The following RNF19A variants were observed in gnomAD, a reference collection of about 807,000 sequenced individuals.
RNF19A encodes the protein ring finger protein 19A, RBR E3 ubiquitin protein ligase.
Under a neutral mutation model 75.7 loss-of-function variants are expected in RNF19A, and 32 were observed. The ratio of observed to expected loss-of-function variants is 0.42; its 90% CI spans 0.32 to 0.57. The LOEUF is 0.57. Among genes scored for constraint, RNF19A ranks in the 20% least tolerant of loss-of-function variants. RNF19A has a pLI of 0.10. For synonymous variants in RNF19A, 335 were observed against 345.2 expected (o/e 0.97, Z 0.33); for missense variants, 782 against 1,036.3 (o/e 0.75, Z 3.37).
rs771976555 is a variant in RNF19A at position 100,270,004 on chromosome 8, A to G, written c.893T>C (p.Ile298Thr). ...SQESGAAADD[I>T]KPCPRCAAYI... ...AGCAGCACATCGTGGACATGGCTTT[A>G]TATCATCAGCTATTGGGAACACAGA... Residue 298 changes from isoleucine (I) to threonine (T), a missense_variant, in exon 4 of 10, where the codon ATA becomes ACA. By Grantham distance (89) the Ile-to-Thr change is moderately conservative. This residue lies in a region of RNF19A where 31 missense variants were observed against 48.8 expected (regional missense o/e 0.64). Transcript: ENST00000341084. 5.0e-6 allele frequency: 8 copies of G among 1,591,446 alleles called. No homozygotes were observed. Among genetic ancestry groups the G allele is most frequent in the Non-Finnish European group, 6.8e-6 (8 of 1,169,972 alleles).
chr8:100,312,845 C>A (rs1175613548), upstream of RNF19A, among the ~76,000 whole-genome samples: 3 of 152,078 alleles, frequency 2.0e-5, no homozygotes, highest in African/African-American at 7.2e-5. Context: ...TCGCTTGAAC[C>A]TGGGAGGCAG....
In RNF19A at chr8:100,276,723, CAAAAAAA is replaced by C. The variant is rs60419107; in HGVS notation, c.675-1569_675-1563del. The stretch of plus-strand genomic sequence containing the variant: ...GTGAGCCAAGATCACACCACTGTAC[CAAAAAAA>C]AAAAAAAAAAAAAGAAAAAAAGGAG... On this transcript the variant is annotated intron_variant, in intron 2 of 9. Transcript: ENST00000341084. Among the ~76,000 whole-genome samples the C allele has an allele frequency of 2.6e-4, 21 of 80,600 alleles. No individual in the cohort carries two copies. The South Asian group carries it at 2.7e-3, about 10-fold the overall frequency. 52.9% of individuals were successfully genotyped at this position (80,600 alleles called of 152,430 possible).
In RNF19A at chr8:100,323,004, A is replaced by G. The variant is rs1822482297; in HGVS notation, c.-242-9632T>C. Among the ~76,000 whole-genome samples the G allele has an allele frequency of 6.6e-6, 1 of 152,214 alleles. No individual in the cohort carries two copies. The highest frequency in any genetic ancestry group is 6.5e-5 in the Admixed American group (1 of 15,278). Reference sequence around the variant, plus strand: ...GAAATATTGTGAGAACTACCAAAATACGACACAGAGGCATGAAATGAGCAC... The same window carrying G: ...GAAATATTGTGAGAACTACCAAAATGCGACACAGAGGCATGAAATGAGCAC... On this transcript the variant is annotated intron_variant, in intron 1 of 3. Coordinates refer to the RNF19A transcript ENST00000519527. This position sits in a 1 kb window ranked among gnomAD's most constrained non-coding sequence, Gnocchi z 4.6.
rs1822591538 is a variant in RNF19A at position 100,330,128 on chromosome 8, CA to C, written c.-243+5979del. ...ATTATTCTCTACCGACGTTTCCATC[CA>C]AACACCATCCCTTCCACTTCTTCCA... On this transcript the variant is annotated intron_variant, in intron 1 of 3. Transcript: ENST00000519527. This position sits in a 1 kb window ranked among gnomAD's most constrained non-coding sequence, Gnocchi z 4.1. Among the ~76,000 whole-genome samples, 1 of 152,056 alleles carries C rather than the reference CA, an allele frequency of 6.6e-6. No individual in the cohort carries two copies. Among genetic ancestry groups the C allele is most frequent in the Non-Finnish European group, 1.5e-5 (1 of 68,012 alleles).
chr8:100,291,187 T>C (rs1451929830), intron 1 of RNF19A, among the ~76,000 whole-genome samples: 1 of 152,190 alleles, frequency 6.6e-6, no homozygotes, highest in African/African-American at 2.4e-5. Context: ...ATATGGATGA[T>C]ACCACTCACC....
chr8:100,265,564 TC>T (rs1819932021), intron 5 of RNF19A, among the ~76,000 whole-genome samples: 1 of 152,150 alleles, frequency 6.6e-6, no homozygotes, highest in South Asian at 2.1e-4. Flanking sequence ...TGGCACATTT[TC>T]CCCCTCTGTT....
Position 100,324,899 on chromosome 8 carries a change from CTT to C in RNF19A, c.-243+11207_-243+11208del, listed in dbSNP as rs10670124. ...TTTTTTTCTTTCTTTCTCTCTCTCT[CTT>C]TCTCTCTTTCTTTCTTTCTTTTCTT... On this transcript the variant is annotated intron_variant, in intron 1 of 3. Transcript: ENST00000519527. The surrounding 1 kb of genome is among the most constrained non-coding windows in gnomAD (Gnocchi z 4.2). Among the ~76,000 whole-genome samples, 2 of 148,012 alleles carry C rather than the reference CTT, an allele frequency of 1.4e-5. No individual in the cohort carries two copies. Among genetic ancestry groups the C allele is most frequent in the South Asian group, 2.1e-4 (1 of 4,684 alleles).
chr8:100,316,258 C>T (rs1041897500), intron 1 of RNF19A, among the ~76,000 whole-genome samples: 1 of 152,046 alleles, frequency 6.6e-6, no homozygotes, highest in Non-Finnish European at 1.5e-5. Context: ...AGTGTTACAG[C>T]TCATAAAAGC....
intron 1 of RNF19A, among the ~76,000 whole-genome samples, chr8:100,328,621 G>A (rs1019302485): frequency 3.3e-5 from 5 of 151,930 alleles, no homozygotes; most frequent in African/African-American, 1.2e-4. Flanking sequence ...ACAGGCACGC[G>A]CCACCACACC....
rs944413549 is a variant in RNF19A at position 100,260,595 on chromosome 8, A to C, written c.1683-598T>G. Reference sequence around the variant, plus strand: ...AACATTTGCCTTTTTAAAAAGAGGTAGTATATACCACTATAACTTAAGAGT... The same window carrying C: ...AACATTTGCCTTTTTAAAAAGAGGTCGTATATACCACTATAACTTAAGAGT... On this transcript the variant is annotated intron_variant, in intron 8 of 9. Coordinates refer to ENST00000341084, the MANE Select transcript of RNF19A (RefSeq NM_183419.4). The surrounding 1 kb of genome is among the most constrained non-coding windows in gnomAD (Gnocchi z 4.1). Among the ~76,000 whole-genome samples, 7 of 152,198 alleles carry C rather than the reference A, an allele frequency of 4.6e-5. No individual in the cohort carries two copies. The highest frequency in any genetic ancestry group is 1.4e-4 in the African/African-American group (6 of 41,450).
intron 5 of RNF19A, among the ~76,000 whole-genome samples, chr8:100,266,549 C>T (rs563025472): frequency 1.3e-5 from 2 of 152,136 alleles, no homozygotes; most frequent in African/African-American, 4.8e-5. Flanking sequence ...CTCTCTGTGT[C>T]GCTCAGACTA....
chr8:100,305,349 C>CTTA (rs927607097), intron 1 of RNF19A, among the ~76,000 whole-genome samples: 2 of 152,158 alleles, frequency 1.3e-5, no homozygotes, highest in African/African-American at 4.8e-5. Flanking sequence ...TATTTGGCCT[C>CTTA]AAAAGACACA....
In RNF19A at chr8:100,261,816, A is replaced by G; in HGVS notation, c.1469-61T>C. ...TGATTATCAATTTTCTCCTTCTTAA[A>G]TTCCTCCATGATTTCAGAGAGGACA... On this transcript the variant is annotated intron_variant, in intron 7 of 9. Transcript: ENST00000341084. The surrounding 1 kb of genome is among the most constrained non-coding windows in gnomAD (Gnocchi z 4.4). The G allele has an allele frequency of 2.0e-6, 3 of 1,511,404 alleles. No individual in the cohort carries two copies. The highest frequency in any genetic ancestry group is 2.8e-6 in the Non-Finnish European group (3 of 1,086,868). The allele number at this position is 1,511,404 out of a possible 1,614,324, so 93.6% of individuals were successfully genotyped here. A position where few individuals can be genotyped will look rare whatever the true frequency, so the allele number is the denominator to read the frequency against.
At chr8:100,298,309 A>G (rs1821667426) in intron 1 of RNF19A, among the ~76,000 whole-genome samples, 1 of 152,164 alleles carries the variant, frequency 6.6e-6, no homozygotes, top group South Asian at 2.1e-4. Context: ...ATACATTATT[A>G]AAGTACACGA....
chr8:100,262,356 T>A (rs151164043), intron 7 of RNF19A, among the ~76,000 whole-genome samples: 1 of 152,176 alleles, frequency 6.6e-6, no homozygotes, highest in South Asian at 2.1e-4. Flanking sequence ...TATGATGTGA[T>A]GACAGAAGGC....
At chr8:100,328,781 T>C (rs1240222512) in intron 1 of RNF19A, among the ~76,000 whole-genome samples, 1 of 152,224 alleles carries the variant, frequency 6.6e-6, no homozygotes, top group African/African-American at 2.4e-5. Context: ...GCGTTAATGT[T>C]TTAAGACAGC....
At chr8:100,296,091 C>CT (rs1448795157) in intron 1 of RNF19A, among the ~76,000 whole-genome samples, 3 of 151,986 alleles carry the variant, frequency 2.0e-5, no homozygotes, top group Non-Finnish European at 1.5e-5. Context: ...GGGCATTATT[C>CT]TTTTTTTTCT....
At chr8:100,301,644 A>G (rs997880469) in intron 1 of RNF19A, among the ~76,000 whole-genome samples, 4 of 152,210 alleles carry the variant, frequency 2.6e-5, no homozygotes, top group Non-Finnish European at 4.4e-5. Flanking sequence ...TTCAAGGCCC[A>G]ACTCCTATCT....
chr8:100,279,385 G>GT (rs1428317552), intron 2 of RNF19A, among the ~76,000 whole-genome samples: 1 of 151,620 alleles, frequency 6.6e-6, no homozygotes, highest in Non-Finnish European at 1.5e-5. Flanking sequence ...GTTTTGTTTT[G>GT]TTTTTTTAAG....
Sources: gnomAD v4.1 joint callset for allele counts (sites outside exome capture counted in the v4.1 genomes callset) on GRCh38, gnomAD v4.1.1 for gene constraint, gnomAD v4.1.1 regional missense constraint, Gnocchi (gnomAD v3.1) non-coding constraint, MANE v1.5 for transcripts, NCBI Gene and HGNC (gene_info 2026-07-23, HGNC 2026-07-21) for gene names.